Variants in GLDN observed in about 807,000 individuals in gnomAD.
The protein encoded by GLDN is gliomedin.
A neutral mutation model predicts 56.5 loss-of-function variants in GLDN; 47 were observed. The observed-to-expected ratio is 0.83, with a 90% CI of 0.66 to 1.06. The LOEUF is 1.06. Among genes scored for constraint, GLDN ranks in the 50% least tolerant of loss-of-function variants. The pLI is 0.00. For synonymous variants in GLDN, 332 were observed against 278.8 expected, an observed-to-expected ratio of 1.19 and a Z score of -1.90; for missense variants, 782 against 714.3, an observed-to-expected ratio of 1.09 and a Z score of -1.08.
chr15:51,364,178 C>T (rs958084757), intron 1 of GLDN, among the ~76,000 whole-genome samples: 2 of 152,078 alleles, frequency 1.3e-5, no homozygotes, highest in African/African-American at 4.8e-5. Flanking sequence ...TTCCGTCCTC[C>T]CTGCCAGCAC....
chr15:51,367,430 A>T (rs2037427812), intron 1 of GLDN: 1 of 152,254 alleles, frequency 6.6e-6, no homozygotes, highest in Non-Finnish European at 1.5e-5. Flanking sequence ...CCTTGCGTGC[A>T]AGAGGGCTGG....
chr15:51,367,768 T>C (rs1160573448), intron 1 of GLDN, among the ~76,000 whole-genome samples: 1 of 152,202 alleles, frequency 6.6e-6, no homozygotes, highest in African/African-American at 2.4e-5. Context: ...AGCACCCCAG[T>C]GTCAGCCTGG....
intron 2 of GLDN, among the ~76,000 whole-genome samples, chr15:51,377,883 C>T (rs2037669554): frequency 6.6e-6 from 1 of 152,156 alleles, no homozygotes; most frequent in South Asian, 2.1e-4. Flanking sequence ...GGTGTGGTGG[C>T]CCAAACTAGA....
At chr15:51,369,037 G>T (rs943255060) in intron 1 of GLDN, 1 of 152,270 alleles carries the variant, frequency 6.6e-6, no homozygotes, top group Non-Finnish European at 1.5e-5. Context: ...TGTTTGCAGA[G>T]TGCCCTCACC....
intron 1 of GLDN, among the ~76,000 whole-genome samples, chr15:51,373,316 C>T (rs115590764): frequency 2.8e-4 from 42 of 152,268 alleles, no homozygotes; most frequent in African/African-American, 9.4e-4. Context: ...CTTGTGGAAC[C>T]CAAGTATATG....
Position 51,405,010 on chromosome 15 carries a change from C to A in GLDN, c.*256C>A, listed in dbSNP as rs2038345808. 1 of 360,118 alleles carries A rather than the reference C, an allele frequency of 2.8e-6. No homozygotes were observed. Among genetic ancestry groups the A allele is most frequent in the Non-Finnish European group, 5.0e-6 (1 of 199,158 alleles). 22.3% of individuals were successfully genotyped at this position (360,118 alleles called of 1,614,324 possible). A position where few individuals can be genotyped will look rare whatever the true frequency, so the allele number is the denominator to read the frequency against. On this transcript the variant is annotated 3_prime_UTR_variant, in exon 10 of 10. Transcript: ENST00000335449. ...GGGCCTTAGTTTCCCCATTGGTAAT[C>A]TGAATTGGCTAAGATGATTGGGGAG...
rs573220802 is a variant in GLDN, at chr15:51,402,790, G to A, written c.1178+1047G>A. ...ATGATCAGACACATCGGACACTGGC[G>A]TCAGCCGCGGCAGGAAGCATCCCCT... On this transcript the variant is annotated intron_variant, in intron 9 of 9. Transcript: ENST00000335449. Among the ~76,000 whole-genome samples, 212 of 152,282 alleles carry A rather than the reference G, an allele frequency of 1.4e-3. 2 individuals are homozygous for A. The highest frequency in any genetic ancestry group is 2.1e-3 in the Non-Finnish European group (140 of 68,018).
rs183416884 is a variant in GLDN, at chr15:51,397,448, C to T, written c.689-22C>T. 6.0e-4 allele frequency: 829 copies of T among 1,377,394 alleles called. 6 individuals carry two copies. In the East Asian group the frequency reaches 0.02, roughly 33 times the overall value. 85.3% of individuals were successfully genotyped at this position (1,377,394 alleles called of 1,614,324 possible). ...TTCTACCTCTTGCCTCCTTCTCTCC[C>T]TTTCTCTCTCTCTCTCTCCAGGTGC... is the stretch of plus-strand genomic sequence containing the variant. On this transcript the variant is annotated intron_variant, in intron 5 of 9. Transcript: ENST00000335449.
At position 51,341,950 on chromosome 15, in the gene GLDN, C is replaced by T; in HGVS notation, c.266C>T (p.Ser89Leu). Residue 89 changes from serine to leucine, a missense_variant, in exon 1 of 10, where the codon TCA becomes TTA. Physicochemically the swap from Ser to Leu is moderately radical, Grantham distance 145 (BLOSUM62 -2). Transcript: ENST00000335449. ...ASAPPQDPAS[S>L]ARNKRSHSGE... ...GCACCACCCCAAGACCCGGCCAGCT[C>T]AGCTCGCAACAAGCGCAGCCACAGC... 1 of 1,597,412 alleles carries T rather than the reference C, an allele frequency of 6.3e-7. No individual in the cohort carries two copies. Among genetic ancestry groups the T allele is most frequent in the Non-Finnish European group, 8.5e-7 (1 of 1,179,428 alleles).
chr15:51,376,023 G>A (rs1014107458), intron 1 of GLDN, among the ~76,000 whole-genome samples: 4 of 152,192 alleles, frequency 2.6e-5, no homozygotes, highest in African/African-American at 9.7e-5. Context: ...TCTTGATGAT[G>A]TTGATAGATA....
chr15:51,404,183 G>A, intron 9 of GLDN, 94 bp from the exon 10 acceptor site: 1 of 945,216 alleles, frequency 1.1e-6, no homozygotes. Context: ...CCTCACCCCA[G>A]ACCCACTAAC....
chr15:51,366,219 G>C (rs1340544834), intron 1 of GLDN, among the ~76,000 whole-genome samples: 5 of 152,220 alleles, frequency 3.3e-5, no homozygotes, highest in Admixed American at 3.3e-4. Flanking sequence ...ACGGTCGGAG[G>C]CCACCTTTGG....
intron 1 of GLDN, among the ~76,000 whole-genome samples, chr15:51,365,690 G>C (rs996070916): frequency 6.6e-6 from 1 of 152,184 alleles, no homozygotes; most frequent in Non-Finnish European, 1.5e-5. Flanking sequence ...TTGGCCTCAG[G>C]TGTTGTCTAC....
At chr15:51,345,997 T>C (rs149509513) in intron 1 of GLDN, among the ~76,000 whole-genome samples, 91 of 152,358 alleles carry the variant, frequency 6.0e-4, no homozygotes, top group South Asian at 1.4e-3. Context: ...TGTATCTATA[T>C]ACTTACCTTT....
At chr15:51,375,031 C>A (rs570146385) in intron 1 of GLDN, among the ~76,000 whole-genome samples, 1 of 152,278 alleles carries the variant, frequency 6.6e-6, no homozygotes, top group African/African-American at 2.4e-5. Context: ...ACCAGGCCCA[C>A]ATTTTCTACA....
At chr15:51,376,947 T>G (rs1566943259) in intron 1 of GLDN, among the ~76,000 whole-genome samples, 1 of 150,698 alleles carries the variant, frequency 6.6e-6, no homozygotes, top group African/African-American at 2.5e-5. Flanking sequence ...AGTTAACTTT[T>G]TTCTTCTAAG....
In GLDN at chr15:51,405,441, G is replaced by C. The variant is rs1341166179; in HGVS notation, c.*687G>C. Reference sequence around the variant, plus strand: ...TCTTTTCTTATTTTAAATAGAGAGAGAGTCTTGCTATGTTTCCCAGGCTGG... The same window carrying C: ...TCTTTTCTTATTTTAAATAGAGAGACAGTCTTGCTATGTTTCCCAGGCTGG... On this transcript the variant is annotated 3_prime_UTR_variant, in exon 10 of 10. Coordinates refer to ENST00000335449, the MANE Select transcript of GLDN (RefSeq NM_181789.4). 1 of 147,164 alleles carries C rather than the reference G, an allele frequency of 6.8e-6. No individual in the cohort carries two copies. Among genetic ancestry groups the C allele is most frequent in the Non-Finnish European group, 1.5e-5 (1 of 67,452 alleles). 9.1% of individuals were successfully genotyped at this position (147,164 alleles called of 1,614,324 possible).
At chr15:51,346,021 G>C (rs1020158837) in intron 1 of GLDN, among the ~76,000 whole-genome samples, 1 of 152,122 alleles carries the variant, frequency 6.6e-6, no homozygotes, top group Non-Finnish European at 1.5e-5. Context: ...GTTAAGAAAG[G>C]GCTGGGGGAC....
At chr15:51,402,010 GGT>G (rs1418314430) in intron 9 of GLDN, among the ~76,000 whole-genome samples, 3 of 152,200 alleles carry the variant, frequency 2.0e-5, no homozygotes, top group African/African-American at 7.2e-5. Flanking sequence ...GACCTGGAGT[GGT>G]GACGGCCGCA....
Sources: allele counts gnomAD v4.1 joint callset (sites outside exome capture counted in the v4.1 genomes callset), GRCh38; gene constraint gnomAD v4.1.1; transcripts MANE v1.5; gene names NCBI Gene and HGNC (gene_info 2026-07-23, HGNC 2026-07-21).